The following PODXL2 variants were observed in gnomAD, a reference collection of about 807,000 sequenced individuals.
PODXL2 encodes podocalyxin-like protein 2.
PODXL2 carries 17 observed loss-of-function variants against 53.4 expected under a neutral mutation model. The ratio of observed to expected loss-of-function variants is 0.32; its 90% CI spans 0.22 to 0.48. PODXL2 has a LOEUF of 0.48. Ranked by LOEUF, PODXL2 falls within the 20% of genes least tolerant of loss-of-function variation. The pLI, the probability that PODXL2 is intolerant of heterozygous loss-of-function variation, is 0.99. For synonymous variants in PODXL2, 311 were observed against 306.7 expected, an observed-to-expected ratio of 1.01 and a Z score of -0.15; for missense variants, 673 against 760.0, an observed-to-expected ratio of 0.89 and a Z score of 1.35.
chr3:127,672,471 G>A lies in PODXL2; in HGVS notation c.1809G>A (p.Thr603=), dbSNP rs2107548432. 6.6e-7 allele frequency: 1 copy of A among 1,507,368 alleles called. No homozygotes were observed. 93.4% of individuals were successfully genotyped at this position (1,507,368 alleles called of 1,614,324 possible). Residue 603 remains threonine, a synonymous_variant, in exon 8 of 8, where the codon ACG becomes ACA. Coordinates refer to ENST00000342480, the MANE Select transcript of PODXL2 (RefSeq NM_015720.4). ...ACTCGGACGTGTTCGAGGAGGACAC[G>A]CACCTGTGAGCGCAGCCGAGGCGCA... ...PEDSDVFEED[T]HL is the part of the protein sequence containing the mutation.
At chr3:127,638,361 A>G (rs912401752) in intron 1 of PODXL2, among the ~76,000 whole-genome samples, 1 of 152,240 alleles carries the variant, frequency 6.6e-6, no homozygotes, top group Non-Finnish European at 1.5e-5. Flanking sequence ...CTAAACAAAT[A>G]TGTCAAATTA....
At chr3:127,662,162 C>T (rs1320251730) in intron 3 of PODXL2, 75 bp from the exon 4 acceptor site, 2 of 1,336,812 alleles carry the variant, frequency 1.5e-6, no homozygotes, top group South Asian at 1.2e-5. Flanking sequence ...CAAAAGGCCT[C>T]CGACCGGGGC....
At chr3:127,633,412 C>T (rs772164357) in intron 1 of PODXL2, among the ~76,000 whole-genome samples, 6 of 151,894 alleles carry the variant, frequency 4.0e-5, no homozygotes, top group Non-Finnish European at 8.8e-5. Context: ...GCTGTTTGAC[C>T]TTAATCCCAC....
Position 127,629,361 on chromosome 3 carries a change from G to A in PODXL2, c.70+72G>A. The A allele has an allele frequency of 2.0e-6, 2 of 998,052 alleles. No homozygotes were observed. Among genetic ancestry groups the A allele is most frequent in the Non-Finnish European group, 2.4e-6 (2 of 838,290 alleles). 61.8% of individuals were successfully genotyped at this position (998,052 alleles called of 1,614,324 possible). On this transcript the variant is annotated intron_variant, in intron 1 of 7. Transcript: ENST00000342480. This position sits in a 1 kb window ranked among gnomAD's most constrained non-coding sequence, Gnocchi z 6.4. ...GGCGCGGTGCTGGACAGCTCCCCGG[G>A]CCGCCAACAAAGGGGCCAGAGTGCG...
intron 2 of PODXL2, among the ~76,000 whole-genome samples, chr3:127,656,595 C>T (rs1309677203): frequency 6.6e-6 from 1 of 151,204 alleles, no homozygotes; most frequent in Non-Finnish European, 1.5e-5. Flanking sequence ...ATTAGCCGGG[C>T]GTGGTGGTGC....
chr3:127,643,179 A>T (rs1009424893), intron 2 of PODXL2, among the ~76,000 whole-genome samples: 2 of 152,182 alleles, frequency 1.3e-5, no homozygotes, highest in Non-Finnish European at 2.9e-5. Flanking sequence ...AATTTTTGGC[A>T]TAAAGAAATT....
chr3:127,641,921 A>G (rs1340996859), intron 2 of PODXL2, among the ~76,000 whole-genome samples: 1 of 152,184 alleles, frequency 6.6e-6, no homozygotes, highest in East Asian at 1.9e-4. Context: ...TAATTCTGCT[A>G]CAAATATCCT....
intron 2 of PODXL2, among the ~76,000 whole-genome samples, chr3:127,659,061 A>G (rs1559877233): frequency 6.6e-6 from 1 of 152,106 alleles, no homozygotes; most frequent in Non-Finnish European, 1.5e-5. Context: ...TTGACTTTCA[A>G]TATCCAAGAA....
In PODXL2 at chr3:127,672,791, C is replaced by G; in HGVS notation, c.*311C>G. On this transcript the variant is annotated 3_prime_UTR_variant, in exon 8 of 8. Transcript: ENST00000342480. ...CAATTAAACCCGCCCGGAGACCACG[C>G]CGGGCCCAGCGCGTCTGCCTTCTTG... 1 of 341,354 alleles carries G rather than the reference C, an allele frequency of 2.9e-6. No homozygotes were observed. The highest frequency in any genetic ancestry group is 5.1e-6 in the Non-Finnish European group (1 of 196,532). 21.1% of individuals were successfully genotyped at this position (341,354 alleles called of 1,614,324 possible).
chr3:127,653,401 C>G (rs1170564306), intron 2 of PODXL2, among the ~76,000 whole-genome samples: 1 of 152,196 alleles, frequency 6.6e-6, no homozygotes, highest in Non-Finnish European at 1.5e-5. Context: ...AAGCCCAGTA[C>G]TTTGGGAGGC....
chr3:127,633,746 T>G (rs1382797578), intron 1 of PODXL2, among the ~76,000 whole-genome samples: 2 of 151,862 alleles, frequency 1.3e-5, no homozygotes, highest in Non-Finnish European at 1.5e-5. Context: ...TACAATTTGG[T>G]GAGAAAAGTG....
chr3:127,637,419 A>G (rs750382515), intron 1 of PODXL2, among the ~76,000 whole-genome samples: 2 of 152,164 alleles, frequency 1.3e-5, no homozygotes, highest in African/African-American at 2.4e-5. Flanking sequence ...TGTTTTTTAT[A>G]TAGGATAATA....
At position 127,668,421 on chromosome 3, in the gene PODXL2, G is replaced by T. The variant is rs1255154421; in HGVS notation, c.1207-20G>T. 20 of 1,513,844 alleles carry T rather than the reference G, an allele frequency of 1.3e-5. No homozygotes were observed. In the East Asian group the frequency reaches 4.3e-4, roughly 33 times the overall value. 93.8% of individuals were successfully genotyped at this position (1,513,844 alleles called of 1,614,324 possible). The stretch of plus-strand genomic sequence containing the variant: ...CCCCTTTCCTTCACTGAACACGGGG[G>T]GCTCTTTCTGCCCTTGTAGGAGGTG... On this transcript the variant is annotated intron_variant, in intron 4 of 7. Transcript: ENST00000342480.
At chr3:127,638,364 T>A (rs2074591431) in intron 1 of PODXL2, among the ~76,000 whole-genome samples, 1 of 152,234 alleles carries the variant, frequency 6.6e-6, no homozygotes. Flanking sequence ...AACAAATATG[T>A]CAAATTACCA....
chr3:127,668,348 T>C (rs1206653436), intron 4 of PODXL2, 93 bp from the exon 5 acceptor site: 3 of 1,140,480 alleles, frequency 2.6e-6, no homozygotes, highest in Non-Finnish European at 3.5e-6. Flanking sequence ...AGCCAGAGGG[T>C]TGAGGGTGAG....
chr3:127,639,808 C>T (rs942007928), intron 2 of PODXL2, among the ~76,000 whole-genome samples: 1 of 152,108 alleles, frequency 6.6e-6, no homozygotes, highest in Non-Finnish European at 1.5e-5. Flanking sequence ...GTAATATGAC[C>T]CCCCTTGTAG....
At chr3:127,644,058 T>C (rs558934991) in intron 2 of PODXL2, among the ~76,000 whole-genome samples, 9 of 152,328 alleles carry the variant, frequency 5.9e-5, no homozygotes, top group African/African-American at 2.2e-4. Context: ...TCTATTGTCA[T>C]GGCGGCATCC....
chr3:127,664,138 A>G (rs112548380), intron 4 of PODXL2, among the ~76,000 whole-genome samples: 19 of 152,204 alleles, frequency 1.2e-4, no homozygotes, highest in Admixed American at 4.6e-4. Context: ...TTAAATGACT[A>G]CCTGTTCCCC....
intron 2 of PODXL2, among the ~76,000 whole-genome samples, chr3:127,660,016 T>C (rs2074753854): frequency 6.6e-6 from 1 of 152,188 alleles, no homozygotes; most frequent in East Asian, 1.9e-4. Context: ...TGGGTTGTTG[T>C]GGGATCTTCT....
Sources: allele counts gnomAD v4.1 joint callset (sites outside exome capture counted in the v4.1 genomes callset), GRCh38; gene constraint gnomAD v4.1.1; non-coding constraint Gnocchi (gnomAD v3.1); transcripts MANE v1.5; gene names NCBI Gene and HGNC (gene_info 2026-07-23, HGNC 2026-07-21).